ARHGEF17: variants seen among roughly 807,000 people sequenced by gnomAD.
The protein encoded by ARHGEF17 is 164 kDa Rho-specific guanine-nucleotide exchange factor.
A neutral mutation model predicts 174.0 loss-of-function variants in ARHGEF17; 80 were observed. That is an observed-to-expected ratio of 0.46 (90% confidence interval 0.38 to 0.55). ARHGEF17 has a LOEUF of 0.55. Ranked by LOEUF, ARHGEF17 falls within the 20% of genes least tolerant of loss-of-function variation. The probability of loss-of-function intolerance (pLI) is 0.00; values close to 1 mark genes in which losing one functional copy is unlikely to be tolerated. For missense variants in ARHGEF17, 2,886 were observed against 2,839.7 expected (o/e 1.02, Z -0.37); for synonymous variants, 1,311 against 1,189.1 (o/e 1.10, Z -2.11).
intron 14 of ARHGEF17, 130 bp from the exon 15 acceptor site, chr11:73,363,076 C>G: frequency 1.6e-6 from 2 of 1,282,748 alleles, no homozygotes; most frequent in East Asian, 2.5e-5. Flanking sequence ...CAGACCGGAG[C>G]AGGCCGGGGA....
intron 1 of ARHGEF17, among the ~76,000 whole-genome samples, chr11:73,314,598 A>AG (rs1864898509): frequency 6.6e-6 from 1 of 152,080 alleles, no homozygotes; most frequent in Admixed American, 6.5e-5. Flanking sequence ...GTGTGGCTGG[A>AG]GGGGAGAGAA....
At chr11:73,314,905 C>T (rs558448449) in intron 1 of ARHGEF17, among the ~76,000 whole-genome samples, 1 of 152,172 alleles carries the variant, frequency 6.6e-6, no homozygotes, top group Non-Finnish European at 1.5e-5. Flanking sequence ...ACACATGCCA[C>T]AACTGTAGCC....
At chr11:73,360,622 C>T in intron 11 of ARHGEF17, 89 bp downstream of exon 11, 1 of 1,432,450 alleles carries the variant, frequency 7.0e-7, no homozygotes, top group Non-Finnish European at 9.8e-7. Flanking sequence ...ACTTCAGGAG[C>T]CAGAACCGCA....
At chr11:73,357,919 G>A (rs980708151) in intron 9 of ARHGEF17, among the ~76,000 whole-genome samples, 3 of 152,246 alleles carry the variant, frequency 2.0e-5, no homozygotes, top group African/African-American at 7.2e-5. Flanking sequence ...TGGCTCAGCT[G>A]GAGGGGAGCT....
In ARHGEF17 at chr11:73,368,527, T is replaced by A. The variant is rs929893241; in HGVS notation, c.*747T>A. On this transcript the variant is annotated 3_prime_UTR_variant, in exon 21 of 21. Transcript: ENST00000263674. The stretch of plus-strand genomic sequence containing the variant: ...TGGGGACCTGTCAGGCTTTGTCATT[T>A]CCCAGTTTGTTGGTGGTGCCTTTAG... 1 of 152,272 alleles carries A rather than the reference T, an allele frequency of 6.6e-6. No individual in the cohort carries two copies. The allele number at this position is 152,272 out of a possible 1,614,324, so 9.4% of individuals were successfully genotyped here.
rs940775862 is a variant in ARHGEF17 at position 73,311,057 on chromosome 11, C to A, written c.2419C>A (p.Pro807Thr). 1 of 1,610,618 alleles carries A rather than the reference C, an allele frequency of 6.2e-7. No homozygotes were observed. The highest frequency in any genetic ancestry group is 1.3e-5 in the African/African-American group (1 of 74,872). The change falls in exon 1 of 21, where the codon CCT becomes ACT. Residue 807 changes from proline (P) to threonine (T), a missense_variant. This residue lies in a region of ARHGEF17 where 1,728 missense variants were observed against 1,461.2 expected (regional missense o/e 1.18). Transcript: ENST00000263674. ...GGTTATTCAGAGCATAGTTCAGGGG[C>A]CTGGCACCCTGGGGCGTGTGGTGGA... ...QEVIQSIVQG[P>T]GTLGRVVDDR...
At chr11:73,354,323 C>T (rs1381981065) in intron 3 of ARHGEF17, among the ~76,000 whole-genome samples, 2 of 152,206 alleles carry the variant, frequency 1.3e-5, no homozygotes, top group African/African-American at 4.8e-5. Flanking sequence ...GATGCTGTGT[C>T]CCAGGGTGGG....
intron 9 of ARHGEF17, among the ~76,000 whole-genome samples, chr11:73,358,967 C>A (rs1865692104): frequency 6.6e-6 from 1 of 152,118 alleles, no homozygotes; most frequent in African/African-American, 2.4e-5. Flanking sequence ...CTTACAGTTA[C>A]AAAGCGTGCC....
At chr11:73,346,076 G>A (rs946426016) in intron 1 of ARHGEF17, among the ~76,000 whole-genome samples, 16 of 152,078 alleles carry the variant, frequency 1.1e-4, no homozygotes, top group Admixed American at 4.6e-4. Context: ...CTGGGGGTGT[G>A]GGTGCAGAGG....
chr11:73,356,192 A>G lies in ARHGEF17; in HGVS notation c.3681A>G (p.Thr1227=). Residue 1227 remains threonine (T), a synonymous_variant, in exon 6 of 21, where the codon ACA becomes ACG. Coordinates refer to ENST00000263674, the MANE Select transcript of ARHGEF17 (RefSeq NM_014786.4). ...CACCCCAGGACCTCCTGAAGCATAC[A>G]CCTGAGGACCACCCGGACCATCCAC... ...ELLVKDLLKH[T]PEDHPDHPLL... 6.2e-7 allele frequency: 1 copy of G among 1,613,706 alleles called. No homozygotes were observed. The highest frequency in any genetic ancestry group is 8.5e-7 in the Non-Finnish European group (1 of 1,179,972).
At chr11:73,325,154 C>CA (rs1356551018) in intron 1 of ARHGEF17, among the ~76,000 whole-genome samples, 4 of 151,972 alleles carry the variant, frequency 2.6e-5, no homozygotes, top group East Asian at 1.9e-4. Context: ...CAAATGGAGA[C>CA]AAAAAAACCT....
rs925895334 is a variant in ARHGEF17 at position 73,344,571 on chromosome 11, G to A, written c.3193-2312G>A. 1.1e-4 allele frequency among the ~76,000 whole-genome samples: 16 copies of A among 152,206 alleles called. No individual in the cohort carries two copies. In the East Asian group the frequency reaches 2.1e-3, roughly 20 times the overall value. ...GTGTGGCTGAGGGGCCCAGGGCCGC[G>A]CCTGGCCTGGCCCTGCTGTCAGGGA... On this transcript the variant is annotated intron_variant, in intron 1 of 20. Coordinates refer to ENST00000263674, the MANE Select transcript of ARHGEF17 (RefSeq NM_014786.4).
rs77233861 is a variant in ARHGEF17, at chr11:73,341,039, T to C, written c.3193-5844T>C. On this transcript the variant is annotated intron_variant, in intron 1 of 20. Coordinates refer to ENST00000263674, the MANE Select transcript of ARHGEF17 (RefSeq NM_014786.4). ...AGGAGGAAGAGCTATTGGGGGCTTG[T>C]TTATTAAGCCAGCCTTCCTTATAAG... Among the ~76,000 whole-genome samples, 3 of 152,236 alleles carry C rather than the reference T, an allele frequency of 2.0e-5. No homozygotes were observed. The East Asian group carries it at 5.8e-4, about 29-fold the overall frequency.
chr11:73,348,570 T>A (rs1247632819), intron 2 of ARHGEF17, among the ~76,000 whole-genome samples: 1 of 152,058 alleles, frequency 6.6e-6, no homozygotes, highest in Non-Finnish European at 1.5e-5. Context: ...GTAGTCAGAC[T>A]CAGAGATGGA....
chr11:73,364,810 C>T, intron 18 of ARHGEF17: 1 of 593,078 alleles, frequency 1.7e-6, no homozygotes, highest in Non-Finnish European at 2.7e-6. Context: ...GTCCCATATA[C>T]ATTAGGAATC....
Position 73,310,715 on chromosome 11 carries a change from G to T in ARHGEF17, c.2077G>T (p.Ala693Ser). 6.2e-7 allele frequency: 1 copy of T among 1,613,074 alleles called. No individual in the cohort carries two copies. The highest frequency in any genetic ancestry group is 8.5e-7 in the Non-Finnish European group (1 of 1,179,682). Residue 693 changes from alanine to serine, a missense_variant, in exon 1 of 21, where the codon GCC becomes TCC. Transcript: ENST00000263674. ...GACTGAGGACAGTCTGGGCGGGTGG[G>T]CCCTGGTGTCGCCTGAGACCCCTCC... ...PGTEDSLGGWALVSPETPPTP... is the reference protein window; with the variant it reads ...PGTEDSLGGWSLVSPETPPTP...
At chr11:73,345,901 C>T (rs1865452334) in intron 1 of ARHGEF17, among the ~76,000 whole-genome samples, 1 of 152,100 alleles carries the variant, frequency 6.6e-6, no homozygotes, top group Non-Finnish European at 1.5e-5. Context: ...AGTGGAGTCT[C>T]TGCCAGAGAA....
At chr11:73,343,077 GCGCTGACCCCCGCCCCCCGCCCCGC>G in intron 1 of ARHGEF17, 1 of 314,738 alleles carries the variant, frequency 3.2e-6, no homozygotes, top group Non-Finnish European at 5.8e-6. Flanking sequence ...CCCTGACTCC[GCGCTGACCCCCGCCCCCCGCCCCGC>G]CGCCACCCCG....
chr11:73,343,262 G>C (rs988263280), intron 1 of ARHGEF17: 12 of 398,526 alleles, frequency 3.0e-5, no homozygotes, highest in African/African-American at 2.5e-4. Flanking sequence ...ACGCCGAGGA[G>C]CCTGGGGAGG....
Sources: allele counts gnomAD v4.1 joint callset (sites outside exome capture counted in the v4.1 genomes callset), GRCh38; gene constraint gnomAD v4.1.1; regional missense constraint gnomAD v4.1.1; transcripts MANE v1.5; gene names NCBI Gene and HGNC (gene_info 2026-07-23, HGNC 2026-07-21).